TGM1: variants seen among roughly 807,000 people sequenced by gnomAD.
The protein encoded by TGM1 is transglutaminase 1.
A neutral mutation model predicts 88.7 loss-of-function variants in TGM1; 63 were observed. The observed-to-expected ratio is 0.71, with a 90% CI of 0.58 to 0.88. The LOEUF is 0.88. TGM1 is among the 40% of genes least tolerant of loss of function. The probability of loss-of-function intolerance (pLI) is 0.00; values close to 1 mark genes in which losing one functional copy is unlikely to be tolerated. For synonymous variants in TGM1, 415 were observed against 431.1 expected (o/e 0.96, Z 0.46); for missense variants, 996 against 1,118.0 (o/e 0.89, Z 1.56).
At chr14:24,254,930 GC>G in intron 12 of TGM1, 41 bp downstream of exon 12, 2 of 1,613,130 alleles carry the variant, frequency 1.2e-6, no homozygotes, top group Non-Finnish European at 1.7e-6. Context: ...GCCCTGAGGT[GC>G]CCAGCCATCC....
chr14:24,260,839 C>A, intron 3 of TGM1, 141 bp from the exon 4 acceptor site: 6 of 1,164,228 alleles, frequency 5.2e-6, no homozygotes, highest in Non-Finnish European at 7.4e-6. Flanking sequence ...TATTCTCTGA[C>A]AGTCTCCCTT....
chr14:24,260,161 C>G, intron 4 of TGM1, 103 bp from the exon 5 acceptor site: 1 of 1,121,774 alleles, frequency 8.9e-7, no homozygotes, highest in South Asian at 1.2e-5. Context: ...GAAGAAAATG[C>G]GGGGATGCCC....
intron 13 of TGM1, 51 bp downstream of exon 13, chr14:24,254,613 C>G (rs1230626248): frequency 6.8e-6 from 11 of 1,612,622 alleles, no homozygotes; most frequent in African/African-American, 1.3e-5. Context: ...GTCCTTATCC[C>G]CTGGCCTTCA....
chr14:24,255,685 A>G lies in TGM1; in HGVS notation c.1492-168T>C, dbSNP rs1594568233. ...GAGACTTTCCAAGACGAGCCAGACG[A>G]GGCCAGAGTGCAGGGAAGAAGCTGG... On this transcript the variant is annotated intron_variant, in intron 10 of 14. Transcript: ENST00000206765. The surrounding 1 kb of genome is among the most constrained non-coding windows in gnomAD (Gnocchi z 4.0). Among the ~76,000 whole-genome samples, 1 of 152,270 alleles carries G rather than the reference A, an allele frequency of 6.6e-6. No homozygotes were observed. Among genetic ancestry groups the G allele is most frequent in the East Asian group, 1.9e-4 (1 of 5,178 alleles).
intron 14 of TGM1, among the ~76,000 whole-genome samples, chr14:24,249,867 C>T (rs540866343): frequency 6.6e-6 from 1 of 152,266 alleles, no homozygotes; most frequent in Admixed American, 6.5e-5. Context: ...ACTGCTCCTG[C>T]CCCAGACAGA....
At chr14:24,260,348 C>T in intron 4 of TGM1, 102 bp downstream of exon 4, 5 of 1,551,468 alleles carry the variant, frequency 3.2e-6, no homozygotes, top group East Asian at 2.4e-5. Flanking sequence ...GCTGGCTTCT[C>T]CTGGGGTCAG....
intron 4 of TGM1, 184 bp downstream of exon 4, chr14:24,260,266 G>A (rs953762316): frequency 9.5e-7 from 1 of 1,050,318 alleles, no homozygotes; most frequent in Non-Finnish European, 1.4e-6. Flanking sequence ...GGAGAGGTGT[G>A]GCTGGCTGTG....
In TGM1 at chr14:24,259,197, T is replaced by C. The variant is rs2040783791; in HGVS notation, c.1037A>G (p.Tyr346Cys). Residue 346 changes from tyrosine (Y) to cysteine (C), a missense_variant, in exon 7 of 15, where the codon TAC (tyrosine) becomes TGC (cysteine). By Grantham distance (194) the Tyr-to-Cys change is radical. Coordinates refer to ENST00000206765, the MANE Select transcript of TGM1 (RefSeq NM_000359.3). The surrounding 1 kb of genome is among the most constrained non-coding windows in gnomAD (Gnocchi z 5.7). ...CGCTGATGGGTTGGTGCCTCGGGAG[T>C]AATCACCAGACCAGTTCCCAATCAG... Reference protein sequence around the residue: ...GVLIGNWSGDYSRGTNPSAWV... With the variant: ...GVLIGNWSGDCSRGTNPSAWV... 6.2e-7 allele frequency: 1 copy of C among 1,613,750 alleles called. No homozygotes were observed. Among genetic ancestry groups the C allele is most frequent in the African/African-American group, 1.3e-5 (1 of 74,858 alleles).
At chr14:24,260,734 TC>T in intron 3 of TGM1, 36 bp from the exon 4 acceptor site, 1 of 1,613,796 alleles carries the variant, frequency 6.2e-7, no homozygotes, top group Admixed American at 1.7e-5. Flanking sequence ...TGGCAAGGCC[TC>T]CCTGAGGAGA....
Position 24,262,085 on chromosome 14 carries a change from G to C in TGM1, c.268C>G (p.Pro90Ala), listed in dbSNP as rs1277230238. The C allele has an allele frequency of 2.5e-6, 4 of 1,613,486 alleles. No individual in the cohort carries two copies. The highest frequency in any genetic ancestry group is 3.4e-6 in the Non-Finnish European group (4 of 1,180,040). The stretch of plus-strand genomic sequence containing the variant: ...TTGACACCGCTGCCCCGGGATACAG[G>C]CCGGCGGGAGTCTGAGCCCCGGGAG... ...PGSRGSDSRR[P>A]VSRGSGVNAA... is the part of the protein sequence containing the mutation. Residue 90 changes from proline (P) to alanine (A), a missense_variant, in exon 2 of 15, where the codon CCT (proline) becomes GCT (alanine). By Grantham distance (27) the Pro-to-Ala change is conservative. Coordinates refer to ENST00000206765, the MANE Select transcript of TGM1 (RefSeq NM_000359.3).
intron 14 of TGM1, among the ~76,000 whole-genome samples, chr14:24,251,872 A>G (rs2040703756): frequency 6.6e-6 from 1 of 152,216 alleles, no homozygotes; most frequent in African/African-American, 2.4e-5. Context: ...TTCTCTGCAA[A>G]GTCAAATCTA....
At position 24,255,127 on chromosome 14, in the gene TGM1, C is replaced by A; in HGVS notation, c.1772G>T (p.Gly591Val). 6.2e-7 allele frequency: 1 copy of A among 1,614,104 alleles called. No individual in the cohort carries two copies. The change falls in exon 12 of 15, where the codon GGG becomes GTG. Residue 591 changes from glycine to valine, a missense_variant. Physicochemically the swap from Gly to Val is moderately radical, Grantham distance 109. Coordinates refer to ENST00000206765, the MANE Select transcript of TGM1 (RefSeq NM_000359.3). This position sits in a 1 kb window ranked among gnomAD's most constrained non-coding sequence, Gnocchi z 4.0. Reference protein sequence around the residue: ...MQVEAQDAVMGQDLMVSVMLI... With the variant: ...MQVEAQDAVMVQDLMVSVMLI... Reference sequence around the variant, plus strand: ...CATCACAGAGACCATCAGATCCTGCCCCATCACCGCGTCCTGTGCCTCCAC... The same window carrying A: ...CATCACAGAGACCATCAGATCCTGCACCATCACCGCGTCCTGTGCCTCCAC...
In TGM1 at chr14:24,255,400, G is replaced by C; in HGVS notation, c.1609C>G (p.Arg537Gly). 1 of 1,614,156 alleles carries C rather than the reference G, an allele frequency of 6.2e-7. No individual in the cohort carries two copies. Among genetic ancestry groups the C allele is most frequent in the Non-Finnish European group, 8.5e-7 (1 of 1,180,018 alleles). ...TTATAGAGGTAGGTGATGTCCTCCCGCATGTTGGAGCTGATGGCCTTTGTG... is the reference window on the plus strand; with the variant it reads ...TTATAGAGGTAGGTGATGTCCTCCCCCATGTTGGAGCTGATGGCCTTTGTG... ...IVTKAISSNMREDITYLYKHP... is the reference protein window; with the variant it reads ...IVTKAISSNMGEDITYLYKHP... Residue 537 changes from arginine (R) to glycine (G), a missense_variant, in exon 11 of 15, where the codon CGG becomes GGG. Coordinates refer to ENST00000206765, the MANE Select transcript of TGM1 (RefSeq NM_000359.3). This position sits in a 1 kb window ranked among gnomAD's most constrained non-coding sequence, Gnocchi z 4.0.
chr14:24,258,163 A>T, intron 9 of TGM1, 122 bp downstream of exon 9: 1 of 718,608 alleles, frequency 1.4e-6, no homozygotes, highest in Non-Finnish European at 2.4e-6. Context: ...AAACCCGTTT[A>T]AGAAGCCGCG....
intron 14 of TGM1, among the ~76,000 whole-genome samples, chr14:24,252,874 T>G (rs2040713396): frequency 6.6e-6 from 1 of 152,190 alleles, no homozygotes; most frequent in African/African-American, 2.4e-5. Context: ...GGCTCTGGCC[T>G]GCTCTGCTTT....
At chr14:24,250,020 C>T (rs1006951952) in intron 14 of TGM1, among the ~76,000 whole-genome samples, 4 of 152,004 alleles carry the variant, frequency 2.6e-5, no homozygotes, top group African/African-American at 4.8e-5. Context: ...CTATGATCGT[C>T]GTTCCAAAGA....
intron 4 of TGM1, 175 bp from the exon 5 acceptor site, chr14:24,260,233 G>C: frequency 1.0e-6 from 1 of 953,684 alleles, no homozygotes; most frequent in South Asian, 1.4e-5. Context: ...GAGGAGATTG[G>C]CTGTAGCCAG....
chr14:24,250,441 C>G (rs2040692359), intron 14 of TGM1, among the ~76,000 whole-genome samples: 4 of 152,166 alleles, frequency 2.6e-5, no homozygotes. Context: ...GGCTCTCTAA[C>G]TTGACACACA....
chr14:24,259,673 C>G lies in TGM1; in HGVS notation c.984+31G>C, dbSNP rs377038533. 6.4e-7 allele frequency: 1 copy of G among 1,574,304 alleles called. No individual in the cohort carries two copies. The highest frequency in any genetic ancestry group is 8.7e-7 in the Non-Finnish European group (1 of 1,151,596). On this transcript the variant is annotated intron_variant, in intron 6 of 14. Transcript: ENST00000206765. This position sits in a 1 kb window ranked among gnomAD's most constrained non-coding sequence, Gnocchi z 5.7. The stretch of plus-strand genomic sequence containing the variant: ...TGTGGCGAGGCAGCAGGCACACACA[C>G]AGTAGGACTCAGAGATGTGAGGGTG...
Sources: gnomAD v4.1 joint callset for allele counts (sites outside exome capture counted in the v4.1 genomes callset) on GRCh38, gnomAD v4.1.1 for gene constraint, Gnocchi (gnomAD v3.1) non-coding constraint, MANE v1.5 for transcripts, NCBI Gene and HGNC (gene_info 2026-07-23, HGNC 2026-07-21) for gene names.